The following PES1 variants were observed in gnomAD, a reference collection of about 807,000 sequenced individuals.
The protein encoded by PES1 is pescadillo homolog.
Under a neutral mutation model 77.1 loss-of-function variants are expected in PES1, and 31 were observed. That is an observed-to-expected ratio of 0.40 (90% CI 0.30 to 0.54). The LOEUF (loss-of-function observed/expected upper bound fraction) is 0.54. PES1 is among the 20% of genes least tolerant of loss of function. The pLI is 0.45. For synonymous variants in PES1, 282 were observed against 303.0 expected (o/e 0.93, Z 0.72); for missense variants, 658 against 771.7 (o/e 0.85, Z 1.75).
At chr22:30,579,040 G>A (rs1450818138) in intron 13 of PES1, 42 bp from the exon 14 acceptor site, 8 of 1,603,966 alleles carry the variant, frequency 5.0e-6, no homozygotes, top group East Asian at 4.5e-5. Context: ...AGGTTCTCCC[G>A]ACCTCCACAG....
chr22:30,589,670 C>T (rs2087149851), intron 1 of PES1, among the ~76,000 whole-genome samples: 1 of 150,338 alleles, frequency 6.7e-6, no homozygotes, highest in Non-Finnish European at 1.5e-5. Context: ...TAAAATAACC[C>T]ATGCAACTCT....
At chr22:30,591,592 C>G (rs1238466588) in intron 1 of PES1, among the ~76,000 whole-genome samples, 1 of 152,168 alleles carries the variant, frequency 6.6e-6, no homozygotes, top group Admixed American at 6.5e-5. Context: ...CTTTCACAGC[C>G]CTCTCCACAG....
At chr22:30,588,825 G>A (rs1223120345) in intron 2 of PES1, among the ~76,000 whole-genome samples, 1 of 151,986 alleles carries the variant, frequency 6.6e-6, no homozygotes, top group Non-Finnish European at 1.5e-5. Context: ...AGCCACAAAG[G>A]CCAGGGACCG....
chr22:30,601,036 T>G (rs2087347262), intron 2 of PES1, among the ~76,000 whole-genome samples: 1 of 152,210 alleles, frequency 6.6e-6, no homozygotes, highest in Non-Finnish European at 1.5e-5. Context: ...ACATGACAGC[T>G]CAGTACTCCA....
At chr22:30,585,350 C>T (rs1420060984) in intron 4 of PES1, 4 of 471,280 alleles carry the variant, frequency 8.5e-6, no homozygotes, top group Admixed American at 7.0e-5. Context: ...GATGAGCCAC[C>T]CTGGGCACTG....
At chr22:30,596,278 A>T (rs2087251011), upstream of PES1, among the ~76,000 whole-genome samples, 1 of 152,160 alleles carries the variant, frequency 6.6e-6, no homozygotes, top group Admixed American at 6.6e-5. Context: ...TATATAGTTC[A>T]GCCAGGTTCC....
intron 4 of PES1, 108 bp from the exon 5 acceptor site, chr22:30,584,825 AC>A: frequency 9.2e-7 from 1 of 1,087,218 alleles, no homozygotes; most frequent in Non-Finnish European, 1.3e-6. Context: ...GCCAGGCCTC[AC>A]CACTGCCACC....
rs181888390 is a variant in PES1, at chr22:30,576,861, G to A, written c.*185C>T. ...TCTTCTCTGACCAGGCACCAGCAGG[G>A]CAGCTCCATCCAAGGGAAGCGAGGG... On this transcript the variant is annotated 3_prime_UTR_variant, in exon 15 of 15. Transcript: ENST00000354694. The A allele has an allele frequency of 1.1e-4, 65 of 608,038 alleles. 1 individual carries two copies. Among genetic ancestry groups the A allele is most frequent in the Admixed American group, 5.7e-5 (2 of 34,836 alleles). The allele number at this position is 608,038 out of a possible 1,614,324, so 37.7% of individuals were successfully genotyped here. A position where few individuals can be genotyped will look rare whatever the true frequency, so the allele number is the denominator to read the frequency against.
chr22:30,600,384 A>G (rs1295804881), intron 2 of PES1, among the ~76,000 whole-genome samples: 13 of 152,176 alleles, frequency 8.5e-5, no homozygotes, highest in African/African-American at 3.1e-4. Context: ...CTTATATAAC[A>G]TAGATAAAGA....
chr22:30,602,917 G>A (rs2087379200), intron 2 of PES1, among the ~76,000 whole-genome samples: 1 of 151,782 alleles, frequency 6.6e-6, no homozygotes, highest in Admixed American at 6.6e-5. Flanking sequence ...CAATTTGTGT[G>A]TGTGTGTGTG....
chr22:30,592,151 C>G (rs888600943), upstream of PES1: 1 of 1,158,390 alleles, frequency 8.6e-7, no homozygotes, highest in Non-Finnish European at 1.1e-6. Flanking sequence ...GATTCATTGA[C>G]TGTGAGCCTC....
In PES1 at chr22:30,584,982, C is replaced by G. The variant is rs566624371; in HGVS notation, c.369-265G>C. On this transcript the variant is annotated intron_variant, in intron 4 of 14. Transcript: ENST00000354694. ...CACCGAATGCTCACCAAAGACCCAG[C>G]CTTGACCCACGTGCGGATTTTGTGG... 2.6e-5 allele frequency among the ~76,000 whole-genome samples: 4 copies of G among 152,306 alleles called. No individual in the cohort carries two copies. In the East Asian group the frequency reaches 7.7e-4, roughly 29 times the overall value.
chr22:30,576,894 C>A lies in PES1; in HGVS notation c.*152G>T. 1.5e-6 allele frequency: 1 copy of A among 679,818 alleles called. No individual in the cohort carries two copies. The allele number at this position is 679,818 out of a possible 1,614,324, so 42.1% of individuals were successfully genotyped here. A position where few individuals can be genotyped will look rare whatever the true frequency, so the allele number is the denominator to read the frequency against. ...ATCCAAGGGAAGCGAGGGCTGCCCA[C>A]TGGCCCAGCCAGAGAGCATGAGGGG... On this transcript the variant is annotated 3_prime_UTR_variant, in exon 15 of 15. Coordinates refer to ENST00000354694, the MANE Select transcript of PES1 (RefSeq NM_014303.4).
intron 2 of PES1, among the ~76,000 whole-genome samples, chr22:30,601,520 C>T (rs568388814): frequency 4.3e-5 from 5 of 117,642 alleles, no homozygotes; most frequent in African/African-American, 1.7e-4. Context: ...ACTATGTTGG[C>T]CAGGCTAGTC....
chr22:30,600,751 C>G (rs937241547), intron 2 of PES1, among the ~76,000 whole-genome samples: 2 of 152,172 alleles, frequency 1.3e-5, no homozygotes, highest in African/African-American at 4.8e-5. Context: ...GGAGGCAGAG[C>G]TTGCAGTGAG....
At chr22:30,601,875 T>G (rs1233645619) in intron 2 of PES1, 2 of 151,816 alleles carry the variant, frequency 1.3e-5, no homozygotes, top group East Asian at 1.9e-4. Flanking sequence ...CAGGTTCAAG[T>G]GATTCTCGTG....
chr22:30,606,207 T>A lies in PES1; in HGVS notation c.-718+602A>T, dbSNP rs142344365. On this transcript the variant is annotated intron_variant, in intron 1 of 16. Coordinates refer to the PES1 transcript ENST00000402281. The stretch of plus-strand genomic sequence containing the variant: ...AGTACCCCTGCTTCTGGTAGCTTTG[T>A]GTCTCGATTCAATCTCATTCTTTTT... 5.0e-3 allele frequency among the ~76,000 whole-genome samples: 754 copies of A among 152,232 alleles called. 6 individuals are homozygous for A. The highest frequency in any genetic ancestry group is 0.026 in the South Asian group (127 of 4,824).
chr22:30,584,268 T>C, intron 6 of PES1, 97 bp downstream of exon 6: 1 of 975,410 alleles, frequency 1.0e-6, no homozygotes. Context: ...AACCCAGCAC[T>C]TGCTAAACTC....
At chr22:30,590,743 AG>A (rs905682037) in intron 1 of PES1, among the ~76,000 whole-genome samples, 5 of 152,186 alleles carry the variant, frequency 3.3e-5, no homozygotes, top group African/African-American at 1.2e-4. Flanking sequence ...CAGTAGGTAA[AG>A]GATCAGGGAT....
Sources: allele counts gnomAD v4.1 joint callset (sites outside exome capture counted in the v4.1 genomes callset), GRCh38; gene constraint gnomAD v4.1.1; transcripts MANE v1.5; gene names NCBI Gene and HGNC (gene_info 2026-07-23, HGNC 2026-07-21).